The following PRKCE variants were observed in gnomAD, a reference collection of about 807,000 sequenced individuals.
The protein encoded by PRKCE is protein kinase C epsilon type.
PRKCE carries 16 observed loss-of-function variants against 85.4 expected under a neutral mutation model. The observed-to-expected ratio is 0.19, with a 90% CI of 0.13 to 0.28. The LOEUF is 0.28. Ranked by LOEUF, PRKCE falls within the 10% of genes least tolerant of loss-of-function variation. The pLI is 1.00. For missense variants in PRKCE, 573 were observed against 975.2 expected (o/e 0.59, Z 5.49); for synonymous variants, 388 against 371.5 (o/e 1.04, Z -0.51).
chr2:46,182,444 G>T (rs539859581), intron 14 of PRKCE, among the ~76,000 whole-genome samples: 2 of 152,208 alleles, frequency 1.3e-5, no homozygotes, highest in South Asian at 4.2e-4. Context: ...TCCTGCCGGG[G>T]GCCAGCCCTC....
Position 45,774,285 on chromosome 2 carries a change from C to T in PRKCE, c.349-68715C>T, listed in dbSNP as rs975525798. ...GCTTCACAGCCTCACGGGAGGTGAT[C>T]GGACACCAGCCTGGCAGGGCAGCCT... is the stretch of plus-strand genomic sequence containing the variant. On this transcript the variant is annotated intron_variant, in intron 1 of 14. Transcript: ENST00000306156. This position sits in a 1 kb window ranked among gnomAD's most constrained non-coding sequence, Gnocchi z 4.3. 6.6e-6 allele frequency among the ~76,000 whole-genome samples: 1 copy of T among 152,258 alleles called. No individual in the cohort carries two copies. Among genetic ancestry groups the T allele is most frequent in the South Asian group, 2.1e-4 (1 of 4,818 alleles).
chr2:45,878,723 A>T (rs1694660125), intron 2 of PRKCE, among the ~76,000 whole-genome samples: 1 of 152,204 alleles, frequency 6.6e-6, no homozygotes. Flanking sequence ...TCACTTTTTT[A>T]AAACAGCAGA....
intron 10 of PRKCE, 23 bp downstream of exon 10, chr2:46,010,540 G>A (rs746494229): frequency 6.3e-7 from 1 of 1,598,322 alleles, no homozygotes; most frequent in Non-Finnish European, 8.5e-7. Context: ...GAAGCTGGCT[G>A]GCTGCCATGT....
At chr2:45,662,769 A>G (rs780067643) in intron 1 of PRKCE, among the ~76,000 whole-genome samples, 6 of 149,742 alleles carry the variant, frequency 4.0e-5, no homozygotes, top group Non-Finnish European at 7.4e-5. Flanking sequence ...TTGCTTCTTT[A>G]CCTACCTTTG....
intron 1 of PRKCE, among the ~76,000 whole-genome samples, chr2:45,797,660 G>A (rs1687550827): frequency 6.6e-6 from 1 of 152,362 alleles, no homozygotes; most frequent in South Asian, 2.1e-4. Context: ...GGTCTCTGCT[G>A]TTGGGGCAAC....
At chr2:45,932,691 T>C (rs1474632942) in intron 2 of PRKCE, among the ~76,000 whole-genome samples, 1 of 152,226 alleles carries the variant, frequency 6.6e-6, no homozygotes, top group Non-Finnish European at 1.5e-5. Context: ...TGGGATTTAG[T>C]GTGTTTATGT....
chr2:46,011,186 A>G (rs1705641765), intron 10 of PRKCE, among the ~76,000 whole-genome samples: 1 of 152,130 alleles, frequency 6.6e-6, no homozygotes. Flanking sequence ...AGGGGTTGGG[A>G]GGAGTTAAAG....
At chr2:45,707,951 C>T (rs1679257912) in intron 1 of PRKCE, among the ~76,000 whole-genome samples, 1 of 152,180 alleles carries the variant, frequency 6.6e-6, no homozygotes, top group Non-Finnish European at 1.5e-5. Context: ...ATGTCTGGTA[C>T]CCCTGCGGGT....
intron 2 of PRKCE, among the ~76,000 whole-genome samples, chr2:45,851,324 G>A (rs6760363): frequency 0.34 from 51,690 of 152,144 alleles, 9,601 homozygotes; most frequent in East Asian, 0.52. Context: ...TCAACCTATG[G>A]CTGTTAGGCA....
Position 45,868,753 on chromosome 2 carries a change from A to C in PRKCE, c.412+25690A>C, listed in dbSNP as rs546478883. On this transcript the variant is annotated intron_variant, in intron 2 of 14. Transcript: ENST00000306156. ...GGAGTTCAAGACCAGCCTGGCCAAC[A>C]TGGGGAAACCCCATCTCTACTAAAA... is the stretch of plus-strand genomic sequence containing the variant. Among the ~76,000 whole-genome samples the C allele has an allele frequency of 1.2e-4, 18 of 150,076 alleles. No individual in the cohort carries two copies. In the South Asian group the frequency reaches 3.1e-3, roughly 26 times the overall value.
Position 45,905,764 on chromosome 2 carries a change from C to T in PRKCE, c.412+62701C>T, listed in dbSNP as rs1394733247. ...GGGTAAATGGAGACCGGCCCATGCT[C>T]TTTATAGTCCCTGAACACACGTGTT... On this transcript the variant is annotated intron_variant, in intron 2 of 14. Transcript: ENST00000306156. The surrounding 1 kb of genome is among the most constrained non-coding windows in gnomAD (Gnocchi z 4.4). Among the ~76,000 whole-genome samples, 1 of 152,232 alleles carries T rather than the reference C, an allele frequency of 6.6e-6. No individual in the cohort carries two copies. The highest frequency in any genetic ancestry group is 2.4e-5 in the African/African-American group (1 of 41,460).
Position 46,004,143 on chromosome 2 carries a change from A to T in PRKCE, c.967-399A>T, listed in dbSNP as rs1472825147. 3.4e-6 allele frequency: 1 copy of T among 294,218 alleles called. No individual in the cohort carries two copies. Among genetic ancestry groups the T allele is most frequent in the Non-Finnish European group, 6.7e-6 (1 of 150,032 alleles). 18.2% of individuals were successfully genotyped at this position (294,218 alleles called of 1,614,324 possible). ...CTGCTGTACCCGTCCAATGTAGATGATGTATTTCTTCCTGTAAACCTGGAC... is the reference window on the plus strand; with the variant it reads ...CTGCTGTACCCGTCCAATGTAGATGTTGTATTTCTTCCTGTAAACCTGGAC... On this transcript the variant is annotated intron_variant, in intron 7 of 14. Coordinates refer to ENST00000306156, the MANE Select transcript of PRKCE (RefSeq NM_005400.3). This position sits in a 1 kb window ranked among gnomAD's most constrained non-coding sequence, Gnocchi z 4.1.
At chr2:46,152,570 A>G (rs1479292810) in intron 13 of PRKCE, among the ~76,000 whole-genome samples, 1 of 151,776 alleles carries the variant, frequency 6.6e-6, no homozygotes, top group Non-Finnish European at 1.5e-5. Context: ...TTTTTTCAAG[A>G]TGGAGTGTTG....
At chr2:45,846,691 A>G (rs1364346894) in intron 2 of PRKCE, among the ~76,000 whole-genome samples, 1 of 152,210 alleles carries the variant, frequency 6.6e-6, no homozygotes, top group Non-Finnish European at 1.5e-5. Flanking sequence ...CAACAGATAG[A>G]GGAGAAAGAG....
chr2:45,841,274 C>T (rs1020057267), intron 1 of PRKCE, among the ~76,000 whole-genome samples: 45 of 152,186 alleles, frequency 3.0e-4, no homozygotes, highest in African/African-American at 1.0e-3. Flanking sequence ...GCCGTCTGCA[C>T]GCTGAGGAGC....
chr2:45,749,647 A>T (rs1041542029), intron 1 of PRKCE, among the ~76,000 whole-genome samples: 3 of 152,262 alleles, frequency 2.0e-5, no homozygotes, highest in Non-Finnish European at 4.4e-5. Context: ...TGTTATGAAC[A>T]GTGTCTCATT....
In PRKCE at chr2:45,804,404, G is replaced by C. The variant is rs771568101; in HGVS notation, c.349-38596G>C. 9.8e-5 allele frequency among the ~76,000 whole-genome samples: 15 copies of C among 152,330 alleles called. No individual in the cohort carries two copies. The East Asian group carries it at 2.5e-3, about 25-fold the overall frequency. ...TCCATTGAGAGGACCTGGGCATGCC[G>C]AGTCGAGGTGGCCGCAGGTTATTCT... On this transcript the variant is annotated intron_variant, in intron 1 of 14. Transcript: ENST00000306156.
chr2:45,740,079 G>A (rs1440551996), intron 1 of PRKCE, among the ~76,000 whole-genome samples: 1 of 151,962 alleles, frequency 6.6e-6, no homozygotes, highest in Non-Finnish European at 1.5e-5. Flanking sequence ...CTACCTGGGA[G>A]GCTGAGGCTG....
At position 45,786,649 on chromosome 2, in the gene PRKCE, G is replaced by A. The variant is rs113407432; in HGVS notation, c.349-56351G>A. ...GTATTTTGTATGAGATTCAGGGGTG[G>A]GAGTGAGGGGGCAAGGGTTTAAGTT... On this transcript the variant is annotated intron_variant, in intron 1 of 14. Transcript: ENST00000306156. The surrounding 1 kb of genome is among the most constrained non-coding windows in gnomAD (Gnocchi z 5.3). Among the ~76,000 whole-genome samples the A allele has an allele frequency of 2.6e-5, 4 of 152,286 alleles. No individual in the cohort carries two copies. Among genetic ancestry groups the A allele is most frequent in the Middle Eastern group, 3.4e-3 (1 of 294 alleles).
Sources: gnomAD v4.1 joint callset for allele counts (sites outside exome capture counted in the v4.1 genomes callset) on GRCh38, gnomAD v4.1.1 for gene constraint, Gnocchi (gnomAD v3.1) non-coding constraint, MANE v1.5 for transcripts, NCBI Gene and HGNC (gene_info 2026-07-23, HGNC 2026-07-21) for gene names.